The following KCNAB1 variants were observed in gnomAD, a reference collection of about 807,000 sequenced individuals.
The protein encoded by KCNAB1 is voltage-gated potassium channel subunit beta-1.
Under a neutral mutation model 64.6 loss-of-function variants are expected in KCNAB1, and 35 were observed. That is an observed-to-expected ratio of 0.54 (90% CI 0.41 to 0.72). The LOEUF (loss-of-function observed/expected upper bound fraction) is 0.72, where lower values mean the gene tolerates loss of function less well. Ranked by LOEUF, KCNAB1 falls within the 30% of genes least tolerant of loss-of-function variation. KCNAB1 has a pLI of 0.00. For synonymous variants in KCNAB1, 177 were observed against 183.8 expected (o/e 0.96, Z 0.30); for missense variants, 401 against 512.9 (o/e 0.78, Z 2.11).
chr3:156,373,162 G>A (rs755079064), intron 1 of KCNAB1, among the ~76,000 whole-genome samples: 1 of 152,224 alleles, frequency 6.6e-6, no homozygotes, highest in South Asian at 2.1e-4. Flanking sequence ...TCAAACACAA[G>A]ATTTCAAGGC....
At chr3:156,154,409 G>T (rs183298255) in intron 1 of KCNAB1, among the ~76,000 whole-genome samples, 204 of 152,150 alleles carry the variant, frequency 1.3e-3, no homozygotes, top group Non-Finnish European at 2.1e-3. Flanking sequence ...TACAGGAGGG[G>T]TCATCATCTC....
At chr3:156,496,375 T>A (rs998664089) in intron 8 of KCNAB1, among the ~76,000 whole-genome samples, 17 of 152,102 alleles carry the variant, frequency 1.1e-4, no homozygotes, top group Non-Finnish European at 2.1e-4. Flanking sequence ...TGATGGTGAA[T>A]AAGTCTCATG....
intron 1 of KCNAB1, among the ~76,000 whole-genome samples, chr3:156,302,231 A>G (rs193039152): frequency 6.6e-6 from 1 of 152,234 alleles, no homozygotes; most frequent in East Asian, 1.9e-4. Context: ...CTGTGATAAC[A>G]TCGAGCCCAC....
At chr3:156,135,993 C>G (rs936665931) in intron 1 of KCNAB1, among the ~76,000 whole-genome samples, 2 of 152,208 alleles carry the variant, frequency 1.3e-5, no homozygotes, top group Non-Finnish European at 2.9e-5. Context: ...ATATTTAAAG[C>G]CATCCCCATC....
At chr3:156,377,660 G>A (rs1711790112) in intron 1 of KCNAB1, among the ~76,000 whole-genome samples, 1 of 152,140 alleles carries the variant, frequency 6.6e-6, no homozygotes, top group Non-Finnish European at 1.5e-5. Flanking sequence ...GAAAGGAAAT[G>A]CCTATTGTGA....
rs114761164 is a variant in KCNAB1 at position 156,416,247 on chromosome 3, A to C, written c.276-5369A>C. ...CTAACATCTTCCATTACTCCATATT[A>C]AGGTCAAAATCTGCAACATAATCTT... is the stretch of plus-strand genomic sequence containing the variant. On this transcript the variant is annotated intron_variant, in intron 1 of 13. Coordinates refer to ENST00000490337, the MANE Select transcript of KCNAB1 (RefSeq NM_172160.3). Among the ~76,000 whole-genome samples the C allele has an allele frequency of 8.9e-4, 136 of 152,248 alleles. 1 individual carries two copies. Among genetic ancestry groups the C allele is most frequent in the African/African-American group, 3.2e-3 (134 of 41,528 alleles).
intron 1 of KCNAB1, among the ~76,000 whole-genome samples, chr3:156,282,260 A>G (rs1719771533): frequency 6.7e-6 from 1 of 149,602 alleles, no homozygotes; most frequent in Non-Finnish European, 1.5e-5. Flanking sequence ...TTCAGTTTCC[A>G]TGCAGTTGAG....
intron 1 of KCNAB1, among the ~76,000 whole-genome samples, chr3:156,128,277 AT>A (rs1479118158): frequency 6.6e-6 from 1 of 152,210 alleles, no homozygotes; most frequent in Non-Finnish European, 1.5e-5. Flanking sequence ...GTGGAGTATA[AT>A]GACATAAACC....
intron 1 of KCNAB1, among the ~76,000 whole-genome samples, chr3:156,420,775 A>G (rs551846357): frequency 2.4e-4 from 36 of 152,310 alleles, no homozygotes; most frequent in South Asian, 2.1e-4. Context: ...GAAGACAAAA[A>G]TGGGTTGAGT....
chr3:156,403,100 A>G (rs925088939), intron 1 of KCNAB1, among the ~76,000 whole-genome samples: 14 of 152,212 alleles, frequency 9.2e-5, no homozygotes, highest in Non-Finnish European at 1.6e-4. Context: ...GAAACCACTT[A>G]AAATATTTCA....
chr3:156,481,137 G>C (rs757107533), intron 8 of KCNAB1, among the ~76,000 whole-genome samples: 2 of 152,034 alleles, frequency 1.3e-5, no homozygotes, highest in Non-Finnish European at 2.9e-5. Context: ...CAGATGCACT[G>C]CATCTCTCTT....
chr3:156,345,098 A>G (rs1724400465), intron 1 of KCNAB1, among the ~76,000 whole-genome samples: 1 of 152,238 alleles, frequency 6.6e-6, no homozygotes, highest in Non-Finnish European at 1.5e-5. Context: ...CAGGCAGTGG[A>G]TCAGATTCAA....
chr3:156,533,731 A>G (rs1718861153), intron 13 of KCNAB1, among the ~76,000 whole-genome samples: 1 of 152,116 alleles, frequency 6.6e-6, no homozygotes, highest in South Asian at 2.1e-4. Flanking sequence ...TGGATTCTGC[A>G]GGTTTGGGAA....
At chr3:156,151,019 C>T (rs1407226793) in intron 1 of KCNAB1, among the ~76,000 whole-genome samples, 1 of 152,202 alleles carries the variant, frequency 6.6e-6, no homozygotes, top group Non-Finnish European at 1.5e-5. Flanking sequence ...AAGTAGACAT[C>T]TCATCCCCTA....
At chr3:156,284,489 C>T (rs1719964895) in intron 1 of KCNAB1, among the ~76,000 whole-genome samples, 1 of 152,224 alleles carries the variant, frequency 6.6e-6, no homozygotes, top group Admixed American at 6.5e-5. Context: ...CTGTGGTGGG[C>T]TCCACCCAGT....
chr3:156,398,411 C>T (rs1253159157), intron 1 of KCNAB1, among the ~76,000 whole-genome samples: 3 of 151,876 alleles, frequency 2.0e-5, no homozygotes, highest in Admixed American at 2.0e-4. Context: ...GCTAACATGG[C>T]GAAACCCGGT....
intron 8 of KCNAB1, among the ~76,000 whole-genome samples, chr3:156,501,439 T>TG (rs1190366599): frequency 2.1e-5 from 3 of 142,088 alleles, no homozygotes; most frequent in Non-Finnish European, 3.0e-5. Context: ...TTTTTTTTTT[T>TG]TTTTTTTTTG....
At chr3:156,187,938 G>A (rs1226418215) in intron 1 of KCNAB1, among the ~76,000 whole-genome samples, 1 of 152,110 alleles carries the variant, frequency 6.6e-6, no homozygotes, top group African/African-American at 2.4e-5. Flanking sequence ...TACTTCACAA[G>A]CTTATCATGC....
intron 1 of KCNAB1, among the ~76,000 whole-genome samples, chr3:156,134,735 G>A (rs1024332486): frequency 1.3e-5 from 2 of 152,184 alleles, no homozygotes; most frequent in African/African-American, 4.8e-5. Context: ...AAATGTTGAT[G>A]GGATGCTTGT....
Sources: gnomAD v4.1 joint callset for allele counts (sites outside exome capture counted in the v4.1 genomes callset) on GRCh38, gnomAD v4.1.1 for gene constraint, MANE v1.5 for transcripts, NCBI Gene and HGNC (gene_info 2026-07-23, HGNC 2026-07-21) for gene names.